The following PTPN11 variants were observed in gnomAD, a reference collection of about 807,000 sequenced individuals.
PTPN11 encodes the protein tyrosine-protein phosphatase non-receptor type 11.
Under a neutral mutation model 78.8 loss-of-function variants are expected in PTPN11, and 6 were observed. The observed-to-expected ratio is 0.08, with a 90% CI of 0.04 to 0.15. The LOEUF (loss-of-function observed/expected upper bound fraction) is 0.15. PTPN11 is among the 10% of genes least tolerant of loss of function. The pLI, the probability that PTPN11 is intolerant of heterozygous loss-of-function variation, is 1.00. For missense variants in PTPN11, 386 were observed against 744.8 expected, an observed-to-expected ratio of 0.52 and a Z score of 5.61; for synonymous variants, 221 against 263.5, an observed-to-expected ratio of 0.84 and a Z score of 1.56.
intron 1 of PTPN11, among the ~76,000 whole-genome samples, chr12:112,424,594 C>T (rs1444780986): frequency 6.6e-6 from 1 of 152,048 alleles, no homozygotes. Context: ...TGTTTATTGC[C>T]TTGTCATCAA....
At chr12:112,422,905 G>A (rs925874698) in intron 1 of PTPN11, among the ~76,000 whole-genome samples, 1 of 152,152 alleles carries the variant, frequency 6.6e-6, no homozygotes. Context: ...ACTTTGTTAG[G>A]CAGCCACAGA....
intron 1 of PTPN11, among the ~76,000 whole-genome samples, chr12:112,431,864 A>G (rs2037718379): frequency 6.6e-6 from 1 of 152,234 alleles, no homozygotes; most frequent in South Asian, 2.1e-4. Flanking sequence ...ATCATAATGG[A>G]AAAATCTGAT....
Position 112,482,313 on chromosome 12 carries a change from C to A in PTPN11, c.1224+108C>A. Reference sequence around the variant, plus strand: ...GCATACATGCATGCATTCGCTCACTCATTGATTCAGTAGCCATTTATTAGC... The same window carrying A: ...GCATACATGCATGCATTCGCTCACTAATTGATTCAGTAGCCATTTATTAGC... On this transcript the variant is annotated intron_variant, in intron 10 of 15. Coordinates refer to ENST00000351677, the MANE Select transcript of PTPN11 (RefSeq NM_002834.5). The surrounding 1 kb of genome is among the most constrained non-coding windows in gnomAD (Gnocchi z 4.4). The A allele has an allele frequency of 1.5e-6, 2 of 1,309,270 alleles. No homozygotes were observed. Among genetic ancestry groups the A allele is most frequent in the African/African-American group, 1.5e-5 (1 of 68,766 alleles). The allele number at this position is 1,309,270 out of a possible 1,614,324, so 81.1% of individuals were successfully genotyped here.
intron 13 of PTPN11, among the ~76,000 whole-genome samples, chr12:112,490,090 A>G (rs2038727717): frequency 6.6e-6 from 1 of 152,206 alleles, no homozygotes; most frequent in South Asian, 2.1e-4. Context: ...ATAGAAATGT[A>G]AGGTCAAAAT....
intron 13 of PTPN11, among the ~76,000 whole-genome samples, chr12:112,494,219 A>G (rs1271143683): frequency 6.6e-6 from 1 of 152,200 alleles, no homozygotes; most frequent in Non-Finnish European, 1.5e-5. Flanking sequence ...GTGCCACTGC[A>G]CTTTAGCCTG....
At chr12:112,481,673 A>G (rs1472787563) in intron 9 of PTPN11, among the ~76,000 whole-genome samples, 2 of 152,118 alleles carry the variant, frequency 1.3e-5, no homozygotes, top group Admixed American at 6.6e-5. Context: ...TTGTATTTTT[A>G]GTAGAGACAC....
intron 13 of PTPN11, among the ~76,000 whole-genome samples, chr12:112,496,544 CTA>C (rs1259357654): frequency 6.6e-6 from 1 of 151,910 alleles, no homozygotes; most frequent in Non-Finnish European, 1.5e-5. Context: ...ATCTGGCCAT[CTA>C]TATATATATT....
At chr12:112,456,720 G>A (rs574497254) in intron 6 of PTPN11, among the ~76,000 whole-genome samples, 5 of 149,268 alleles carry the variant, frequency 3.3e-5, no homozygotes, top group African/African-American at 7.4e-5. Context: ...TAAGCTTCCC[G>A]AGTAGCTGGG....
intron 6 of PTPN11, among the ~76,000 whole-genome samples, chr12:112,465,566 T>A (rs976104658): frequency 2.0e-5 from 3 of 152,144 alleles, no homozygotes; most frequent in Admixed American, 2.0e-4. Flanking sequence ...AGGTTGTGGA[T>A]GGACTGTCTC....
intron 11 of PTPN11, chr12:112,486,865 C>CT (rs1349650233): frequency 7.0e-7 from 1 of 1,423,590 alleles, no homozygotes; most frequent in Non-Finnish European, 9.2e-7. Context: ...ACAGCAAAGA[C>CT]TAAGTCAGCA....
At chr12:112,477,410 A>G (rs377325858) in intron 7 of PTPN11, among the ~76,000 whole-genome samples, 6 of 152,208 alleles carry the variant, frequency 3.9e-5, no homozygotes, top group South Asian at 2.1e-4. Context: ...TATATACCCA[A>G]TGATAACATC....
intron 1 of PTPN11, among the ~76,000 whole-genome samples, chr12:112,436,357 C>A (rs2037790029): frequency 6.6e-6 from 1 of 152,072 alleles, no homozygotes; most frequent in Non-Finnish European, 1.5e-5. Flanking sequence ...TGCATTAATT[C>A]ATTAATTCTC....
chr12:112,486,769 GA>G, intron 11 of PTPN11, 140 bp downstream of exon 11: 1 of 1,510,744 alleles, frequency 6.6e-7, no homozygotes, highest in Non-Finnish European at 8.9e-7. Flanking sequence ...CAACTGCATT[GA>G]GGGACATTTT....
chr12:112,449,650 C>T (rs2038050103), intron 2 of PTPN11, among the ~76,000 whole-genome samples: 1 of 152,056 alleles, frequency 6.6e-6, no homozygotes, highest in Non-Finnish European at 1.5e-5. Flanking sequence ...GATTAAAAAA[C>T]AAAATGTTTT....
intron 6 of PTPN11, among the ~76,000 whole-genome samples, chr12:112,470,808 A>G (rs2038403347): frequency 6.6e-6 from 1 of 152,102 alleles, no homozygotes; most frequent in Non-Finnish European, 1.5e-5. Context: ...CATTTAGTTG[A>G]AGTGATTGAT....
At chr12:112,496,224 T>G (rs1158779119) in intron 13 of PTPN11, among the ~76,000 whole-genome samples, 1 of 152,240 alleles carries the variant, frequency 6.6e-6, no homozygotes, top group Non-Finnish European at 1.5e-5. Flanking sequence ...GGGAGGTTCT[T>G]CAGATTGGCT....
chr12:112,469,539 G>A (rs993237754), intron 6 of PTPN11, among the ~76,000 whole-genome samples: 1 of 151,770 alleles, frequency 6.6e-6, no homozygotes, highest in Middle Eastern at 3.2e-3. Context: ...TTTTGAGACA[G>A]GGTCTTGCTC....
At chr12:112,489,239 C>T in intron 13 of PTPN11, 64 bp downstream of exon 13, 5 of 1,583,562 alleles carry the variant, frequency 3.2e-6, no homozygotes, top group South Asian at 2.2e-5. Context: ...GATACGCTCT[C>T]CTTTTGAGCA....
chr12:112,419,200 G>A, intron 1 of PTPN11, 75 bp downstream of exon 1: 1 of 1,343,764 alleles, frequency 7.4e-7, no homozygotes. Context: ...GTCCGGAAGG[G>A]GGCGCCCCGG....
Sources: allele counts gnomAD v4.1 joint callset (sites outside exome capture counted in the v4.1 genomes callset), GRCh38; gene constraint gnomAD v4.1.1; non-coding constraint Gnocchi (gnomAD v3.1); transcripts MANE v1.5; gene names NCBI Gene and HGNC (gene_info 2026-07-23, HGNC 2026-07-21).